The following ATL3 variants were observed in gnomAD, a reference collection of about 807,000 sequenced individuals.
ATL3 encodes atlastin GTPase 3, also known as atlastin-3.
ATL3 carries 49 observed loss-of-function variants against 69.5 expected under a neutral mutation model. The ratio of observed to expected loss-of-function variants is 0.71; its 90% CI spans 0.56 to 0.89. The LOEUF (loss-of-function observed/expected upper bound fraction) is 0.89. Ranked by LOEUF, ATL3 falls within the 40% of genes least tolerant of loss-of-function variation. ATL3 has a pLI of 0.00. For synonymous variants in ATL3, 214 were observed against 224.1 expected (o/e 0.95, Z 0.40); for missense variants, 606 against 645.7 (o/e 0.94, Z 0.67).
chr11:63,631,418 G>C lies in ATL3; in HGVS notation c.1161C>G (p.His387Gln), dbSNP rs1171065069. 3.0e-5 allele frequency: 48 copies of C among 1,613,976 alleles called. No individual in the cohort carries two copies. Among genetic ancestry groups the C allele is most frequent in the Non-Finnish European group, 4.0e-5 (47 of 1,180,026 alleles). Residue 387 changes from histidine (H) to glutamine (Q), a missense_variant, in exon 12 of 13, where the codon CAC (histidine) becomes CAG (glutamine). Coordinates refer to ENST00000398868, the MANE Select transcript of ATL3 (RefSeq NM_015459.5). The stretch of plus-strand genomic sequence containing the variant: ...CCAGAGCAAGTTGTTTGAATTCACA[G>C]TGCTTCTCCTCTAGAATGTCTGGAG... ...YLSPDILEEK[H>Q]CEFKQLALDH...
chr11:63,652,320 A>G (rs1940102669), intron 4 of ATL3, 151 bp downstream of exon 4: 1 of 580,084 alleles, frequency 1.7e-6, no homozygotes, highest in Non-Finnish European at 2.6e-6. Context: ...CTCCTTCTCA[A>G]ACTTTTAAAA....
At chr11:63,658,281 A>C (rs1412232858) in intron 3 of ATL3, among the ~76,000 whole-genome samples, 1 of 152,224 alleles carries the variant, frequency 6.6e-6, no homozygotes, top group Non-Finnish European at 1.5e-5. Context: ...ACCCACAAAA[A>C]TAGTGTGTGA....
intron 1 of ATL3, among the ~76,000 whole-genome samples, chr11:63,667,763 CAAAA>C (rs35015200): frequency 2.0e-5 from 2 of 99,562 alleles, no homozygotes; most frequent in Non-Finnish European, 2.1e-5. Flanking sequence ...GACTCTGTAT[CAAAA>C]AAAAAAAAAA....
chr11:63,656,460 A>G (rs1940251543), intron 3 of ATL3, among the ~76,000 whole-genome samples: 1 of 151,858 alleles, frequency 6.6e-6, no homozygotes, highest in South Asian at 2.1e-4. Context: ...CAGACTGGGC[A>G]CAGTGGCTCA....
Position 63,644,251 on chromosome 11 carries a change from A to C in ATL3, c.629T>G (p.Phe210Cys). ...AGGGAAACTCCAATCTCTAACCAAA[A>C]ACATCAGTGTCTATTTAAGAAAAGA... ...IFQKPFQTLM[F>C]LVRDWSFPYE... Residue 210 changes from phenylalanine (F) to cysteine (C), a missense_variant, in exon 7 of 13, where the codon TTT (phenylalanine) becomes TGT (cysteine). Coordinates refer to ENST00000398868, the MANE Select transcript of ATL3 (RefSeq NM_015459.5). The C allele has an allele frequency of 6.3e-7, 1 of 1,598,138 alleles. No individual in the cohort carries two copies. Among genetic ancestry groups the C allele is most frequent in the Non-Finnish European group, 8.6e-7 (1 of 1,168,556 alleles).
upstream of ATL3, chr11:63,671,668 T>C: frequency 7.3e-7 from 1 of 1,370,880 alleles, no homozygotes; most frequent in South Asian, 1.3e-5. Context: ...TACCGTCCTT[T>C]GGGAATTGTA....
In ATL3 at chr11:63,631,279, T is replaced by C; in HGVS notation, c.1300A>G (p.Ser434Gly). The C allele has an allele frequency of 6.2e-7, 1 of 1,614,250 alleles. No individual in the cohort carries two copies. Among genetic ancestry groups the C allele is most frequent in the Non-Finnish European group, 8.5e-7 (1 of 1,180,046 alleles). Reference protein sequence around the residue: ...LYENFCKHNGSKNVFSTFRTP... With the variant: ...LYENFCKHNGGKNVFSTFRTP... ...CGGAAGGTGCTGAAGACGTTCTTGC[T>C]ACCATTGTGCTTGCAGAAGTTCTCA... The change falls in exon 12 of 13, where the codon AGC (serine) becomes GGC (glycine). Residue 434 changes from serine (S) to glycine (G), a missense_variant. Physicochemically the swap from Ser to Gly is moderately conservative, Grantham distance 56. Transcript: ENST00000398868.
At chr11:63,653,738 G>A (rs1003914696) in intron 3 of ATL3, among the ~76,000 whole-genome samples, 5 of 152,146 alleles carry the variant, frequency 3.3e-5, no homozygotes, top group Admixed American at 2.0e-4. Context: ...AGGCCAATCT[G>A]AAAAGGCTGC....
At chr11:63,645,399 C>CA (rs36044347) in intron 6 of ATL3, among the ~76,000 whole-genome samples, 75 of 140,552 alleles carry the variant, frequency 5.3e-4, no homozygotes, top group South Asian at 2.2e-3. Flanking sequence ...AACTCCATCT[C>CA]AAAAAAAAAA....
chr11:63,645,182 G>A (rs1056542714), intron 6 of ATL3, among the ~76,000 whole-genome samples: 1 of 152,070 alleles, frequency 6.6e-6, no homozygotes, highest in Admixed American at 6.6e-5. Context: ...CGAAGCAGGT[G>A]GGTCACCTGA....
chr11:63,654,214 T>TCGGCTCACTGCAAGCTC lies in ATL3; in HGVS notation c.406-1656_406-1640dup, dbSNP rs576915198. Among the ~76,000 whole-genome samples, 4 of 151,154 alleles carry TCGGCTCACTGCAAGCTC rather than the reference T, an allele frequency of 2.6e-5. No individual in the cohort carries two copies. In the South Asian group the frequency reaches 8.4e-4, roughly 32 times the overall value. The stretch of plus-strand genomic sequence containing the variant: ...CAGGCTGGAGTGCAGTGGCGCGATC[T>TCGGCTCACTGCAAGCTC]CGGCTCACTGCAAGCTCCGCCTCCC... On this transcript the variant is annotated intron_variant, in intron 3 of 12. Transcript: ENST00000398868.
chr11:63,669,578 A>T (rs972043120), intron 1 of ATL3, among the ~76,000 whole-genome samples: 4 of 152,150 alleles, frequency 2.6e-5, no homozygotes, highest in African/African-American at 7.2e-5. Context: ...TTAAGCTAGT[A>T]CACAACACCA....
At chr11:63,671,239 G>A (rs892997389) in intron 1 of ATL3, 51 bp downstream of exon 1, 1 of 1,538,898 alleles carries the variant, frequency 6.5e-7, no homozygotes, top group Non-Finnish European at 8.7e-7. Flanking sequence ...CTACAGCAGG[G>A]AAGGCGGCGG....
chr11:63,643,231 C>G, intron 8 of ATL3, 126 bp downstream of exon 8: 1 of 1,066,890 alleles, frequency 9.4e-7, no homozygotes, highest in South Asian at 2.1e-5. Context: ...CTGAACTAGA[C>G]TTTAAATACT....
intron 6 of ATL3, 70 bp from the exon 7 acceptor site, chr11:63,644,331 A>G (rs1302001299): frequency 1.1e-6 from 1 of 883,804 alleles, no homozygotes; most frequent in East Asian, 2.5e-5. Context: ...ACTGCAATAC[A>G]TCTTTGCATA....
intron 10 of ATL3, among the ~76,000 whole-genome samples, chr11:63,634,757 C>T (rs1327909239): frequency 1.3e-5 from 2 of 152,154 alleles, no homozygotes; most frequent in East Asian, 3.9e-4. Flanking sequence ...CAGTGGCTTA[C>T]ACCTGTAATC....
At chr11:63,668,765 C>A (rs1565286196) in intron 1 of ATL3, among the ~76,000 whole-genome samples, 1 of 146,626 alleles carries the variant, frequency 6.8e-6, no homozygotes, top group Non-Finnish European at 1.5e-5. Flanking sequence ...AAGAATGCCA[C>A]CAAAGGTTTG....
At position 63,657,735 on chromosome 11, in the gene ATL3, T is replaced by C. The variant is rs189759649; in HGVS notation, c.405+1026A>G. Among the ~76,000 whole-genome samples the C allele has an allele frequency of 1.3e-3, 198 of 152,364 alleles. 2 individuals are homozygous for C. The highest frequency in any genetic ancestry group is 4.7e-3 in the African/African-American group (194 of 41,584). ...TCATTCACTTTGATAAAAAGTTGTT[T>C]TCACATCTTCCTTCCTTTTATTGAA... On this transcript the variant is annotated intron_variant, in intron 3 of 12. Coordinates refer to ENST00000398868, the MANE Select transcript of ATL3 (RefSeq NM_015459.5).
rs1188039773 is a variant in ATL3, at chr11:63,631,223, T to C, written c.1356A>G (p.Val452=). 1.9e-6 allele frequency: 3 copies of C among 1,614,074 alleles called. No homozygotes were observed. In the African/African-American group the frequency reaches 4.0e-5, roughly 22 times the overall value. Residue 452 remains valine, a synonymous_variant, in exon 12 of 13, where the codon GTA becomes GTG. Coordinates refer to ENST00000398868, the MANE Select transcript of ATL3 (RefSeq NM_015459.5). ...TGAGGCCTGAGGCTATGTACAAAGCTACAATGCCCGTGAACAGCACTGCAG... is the reference window on the plus strand; with the variant it reads ...TGAGGCCTGAGGCTATGTACAAAGCCACAATGCCCGTGAACAGCACTGCAG... ...RTPAVLFTGI[V]ALYIASGLTG... is the part of the protein sequence containing the mutation.
Sources: gnomAD v4.1 joint callset for allele counts (sites outside exome capture counted in the v4.1 genomes callset) on GRCh38, gnomAD v4.1.1 for gene constraint, MANE v1.5 for transcripts, NCBI Gene and HGNC (gene_info 2026-07-23, HGNC 2026-07-21) for gene names.